Variants in PAPPA2 observed in about 807,000 individuals in gnomAD.
PAPPA2 encodes pappalysin-2.
Under a neutral mutation model 176.4 loss-of-function variants are expected in PAPPA2, and 86 were observed. The ratio of observed to expected loss-of-function variants is 0.49; its 90% CI spans 0.41 to 0.58. The LOEUF is 0.58. Among genes scored for constraint, PAPPA2 ranks in the 20% least tolerant of loss-of-function variants. The pLI is 0.00. For missense variants in PAPPA2, 2,073 were observed against 2,256.9 expected, an observed-to-expected ratio of 0.92 and a Z score of 1.65; for synonymous variants, 809 against 852.2, an observed-to-expected ratio of 0.95 and a Z score of 0.88.
At chr1:176,537,774 A>G (rs889607747) in intron 1 of PAPPA2, among the ~76,000 whole-genome samples, 5 of 135,868 alleles carry the variant, frequency 3.7e-5, no homozygotes, top group Admixed American at 3.0e-4. Context: ...GTGTGTGTTA[A>G]CGCTGTGACC....
chr1:176,664,624 GGCATTATACT>G (rs1658531219), intron 3 of PAPPA2, among the ~76,000 whole-genome samples: 2 of 152,036 alleles, frequency 1.3e-5, no homozygotes, highest in African/African-American at 4.8e-5. Flanking sequence ...CATCCTTGAG[GGCATTATACT>G]GACTACCTTA....
At chr1:176,703,880 C>T (rs970880040) in intron 9 of PAPPA2, among the ~76,000 whole-genome samples, 1 of 152,212 alleles carries the variant, frequency 6.6e-6, no homozygotes, top group Non-Finnish European at 1.5e-5. Flanking sequence ...TCAGATTTCT[C>T]CCTTGGATGC....
At chr1:176,719,555 GT>G (rs888978246) in intron 12 of PAPPA2, among the ~76,000 whole-genome samples, 1 of 152,066 alleles carries the variant, frequency 6.6e-6, no homozygotes, top group African/African-American at 2.4e-5. Flanking sequence ...TTTAACGTAA[GT>G]TTTTTTCTTG....
intron 17 of PAPPA2, among the ~76,000 whole-genome samples, chr1:176,781,674 GT>G (rs1196251512): frequency 1.3e-5 from 2 of 152,026 alleles, no homozygotes; most frequent in Non-Finnish European, 2.9e-5. Context: ...AGAGAACCGT[GT>G]CTTTTAAAAT....
chr1:176,552,093 C>A lies in PAPPA2; in HGVS notation c.-916-3314C>A, dbSNP rs202067362. On this transcript the variant is annotated intron_variant, in intron 1 of 22. Transcript: ENST00000367662. ...ACCTCGACCCCATGTTATAGTGTCT[C>A]CTCCCTTCACCTGCCTCTGAGATTT... Among the ~76,000 whole-genome samples, 8 of 152,120 alleles carry A rather than the reference C, an allele frequency of 5.3e-5. No homozygotes were observed. In the East Asian group the frequency reaches 1.5e-3, roughly 29 times the overall value.
intron 2 of PAPPA2, among the ~76,000 whole-genome samples, chr1:176,576,515 T>C (rs1221665775): frequency 6.6e-6 from 1 of 151,824 alleles, no homozygotes; most frequent in Non-Finnish European, 1.5e-5. Flanking sequence ...GTGTCTGTCA[T>C]AAGTGAGGTG....
chr1:176,815,174 A>C (rs1183801209), intron 21 of PAPPA2, among the ~76,000 whole-genome samples: 1 of 152,164 alleles, frequency 6.6e-6, no homozygotes, highest in African/African-American at 2.4e-5. Flanking sequence ...TGACAGAGGA[A>C]AGGGCAACAC....
intron 12 of PAPPA2, among the ~76,000 whole-genome samples, chr1:176,727,745 C>T (rs1359382068): frequency 1.3e-5 from 2 of 151,962 alleles, no homozygotes; most frequent in African/African-American, 4.8e-5. Context: ...ACACTACACT[C>T]AAAACAACTG....
At chr1:176,657,585 C>T (rs1658101725) in intron 3 of PAPPA2, among the ~76,000 whole-genome samples, 1 of 151,824 alleles carries the variant, frequency 6.6e-6, no homozygotes, top group Non-Finnish European at 1.5e-5. Context: ...CAGAAATTGA[C>T]AATTAATTGA....
chr1:176,480,614 C>T (rs1652348501), intron 1 of PAPPA2, among the ~76,000 whole-genome samples: 1 of 152,112 alleles, frequency 6.6e-6, no homozygotes, highest in Admixed American at 6.5e-5. Flanking sequence ...GTCTGCTGGG[C>T]AAGGTCTGCC....
At chr1:176,551,610 T>C (rs1650954607) in intron 1 of PAPPA2, among the ~76,000 whole-genome samples, 1 of 151,798 alleles carries the variant, frequency 6.6e-6, no homozygotes, top group Non-Finnish European at 1.5e-5. Context: ...TTAATAATAA[T>C]GATGACAAAG....
At chr1:176,762,971 G>A (rs1470047799) in intron 14 of PAPPA2, among the ~76,000 whole-genome samples, 2 of 152,168 alleles carry the variant, frequency 1.3e-5, no homozygotes, top group South Asian at 4.1e-4. Flanking sequence ...AAAGAAATGA[G>A]AGTATCACTG....
intron 2 of PAPPA2, among the ~76,000 whole-genome samples, 190 bp downstream of exon 2, chr1:176,557,431 A>G (rs1330722733): frequency 6.6e-6 from 1 of 152,128 alleles, no homozygotes; most frequent in Non-Finnish European, 1.5e-5. Context: ...AAAAGGAGAT[A>G]ATGACTCTAG....
chr1:176,739,488 ATT>A, intron 12 of PAPPA2, 136 bp from the exon 13 acceptor site: 2 of 851,870 alleles, frequency 2.3e-6, no homozygotes, highest in Non-Finnish European at 3.5e-6. Flanking sequence ...TCTACTCCAT[ATT>A]TTTAGCATTT....
chr1:176,514,072 A>G (rs1320922513), intron 1 of PAPPA2, among the ~76,000 whole-genome samples: 1 of 152,216 alleles, frequency 6.6e-6, no homozygotes, highest in East Asian at 1.9e-4. Context: ...TCTGTTTTGC[A>G]TTGCTGTAAA....
At chr1:176,762,113 G>A (rs1190682898) in intron 14 of PAPPA2, among the ~76,000 whole-genome samples, 1 of 152,142 alleles carries the variant, frequency 6.6e-6, no homozygotes, top group East Asian at 1.9e-4. Context: ...GCCATCAGAA[G>A]CTAACGACCT....
At chr1:176,498,588 A>G (rs1028037211) in intron 1 of PAPPA2, among the ~76,000 whole-genome samples, 4 of 151,920 alleles carry the variant, frequency 2.6e-5, no homozygotes, top group Non-Finnish European at 5.9e-5. Context: ...AGTCTCTCCT[A>G]AAAATACAAA....
chr1:176,720,468 T>A (rs980194920), intron 12 of PAPPA2, among the ~76,000 whole-genome samples: 1 of 152,128 alleles, frequency 6.6e-6, no homozygotes, highest in African/African-American at 2.4e-5. Context: ...ATTAAGAATG[T>A]TCAGTTTTAA....
chr1:176,545,724 G>A (rs1403654079), intron 1 of PAPPA2, among the ~76,000 whole-genome samples: 3 of 152,170 alleles, frequency 2.0e-5, no homozygotes, highest in Admixed American at 2.0e-4. Flanking sequence ...GGATGACCAT[G>A]CATACTTCTT....
Sources: gnomAD v4.1 joint callset for allele counts (sites outside exome capture counted in the v4.1 genomes callset) on GRCh38, gnomAD v4.1.1 for gene constraint, MANE v1.5 for transcripts, NCBI Gene and HGNC (gene_info 2026-07-23, HGNC 2026-07-21) for gene names.